The following WASF3 variants were observed in gnomAD, a reference collection of about 807,000 sequenced individuals.
WASF3 encodes actin-binding protein WASF3.
Under a neutral mutation model 46.6 loss-of-function variants are expected in WASF3, and 11 were observed. The ratio of observed to expected loss-of-function variants is 0.24; its 90% CI spans 0.15 to 0.39. The LOEUF (loss-of-function observed/expected upper bound fraction) is 0.39, where lower values mean the gene tolerates loss of function less well. WASF3 is among the 10% of genes least tolerant of loss of function. The pLI, the probability that WASF3 is intolerant of heterozygous loss-of-function variation, is 1.00. For synonymous variants in WASF3, 242 were observed against 259.7 expected (o/e 0.93, Z 0.65); for missense variants, 576 against 669.8 (o/e 0.86, Z 1.55).
chr13:26,585,989 T>G (rs1433371129), intron 1 of WASF3, among the ~76,000 whole-genome samples: 1 of 152,196 alleles, frequency 6.6e-6, no homozygotes, highest in Non-Finnish European at 1.5e-5. Context: ...TATTAAAAGC[T>G]TCCTTTCCAG....
At chr13:26,658,025 T>G (rs9512308) in intron 3 of WASF3, among the ~76,000 whole-genome samples, 52,671 of 152,090 alleles carry the variant, frequency 0.35, 9,788 homozygotes, top group African/African-American at 0.47. Context: ...CAAATGTTGC[T>G]TGTCCTTTTC....
intron 1 of WASF3, among the ~76,000 whole-genome samples, chr13:26,570,732 A>T (rs989352645): frequency 2.0e-5 from 3 of 152,194 alleles, no homozygotes; most frequent in African/African-American, 7.2e-5. Context: ...AATATTTTGC[A>T]ATTACAGTAC....
At chr13:26,655,665 T>A (rs1298735820) in intron 3 of WASF3, among the ~76,000 whole-genome samples, 2 of 152,208 alleles carry the variant, frequency 1.3e-5, no homozygotes, top group African/African-American at 4.8e-5. Context: ...TTCTTCAACA[T>A]TAGTTAGTAA....
chr13:26,659,349 G>A (rs1159205599), intron 3 of WASF3, among the ~76,000 whole-genome samples: 1 of 152,218 alleles, frequency 6.6e-6, no homozygotes, highest in African/African-American at 2.4e-5. Context: ...AGGGTAGTTG[G>A]AGTGGGACAT....
chr13:26,552,867 G>A (rs1879000696), upstream of WASF3, among the ~76,000 whole-genome samples: 1 of 152,180 alleles, frequency 6.6e-6, no homozygotes, highest in African/African-American at 2.4e-5. Flanking sequence ...GATGACAAAA[G>A]AGAATTAAGC....
At chr13:26,604,621 A>G (rs1880737820) in intron 1 of WASF3, among the ~76,000 whole-genome samples, 1 of 152,232 alleles carries the variant, frequency 6.6e-6, no homozygotes, top group African/African-American at 2.4e-5. Context: ...TCCATTTAGT[A>G]GCAAAATTAC....
chr13:26,573,508 CTACTTTAA>C (rs1445312189), intron 1 of WASF3, among the ~76,000 whole-genome samples: 3 of 151,946 alleles, frequency 2.0e-5, no homozygotes, highest in African/African-American at 7.2e-5. Context: ...TCCTTGATTA[CTACTTTAA>C]ATGTGTTCTA....
intron 1 of WASF3, among the ~76,000 whole-genome samples, chr13:26,558,024 C>T (rs1234613172): frequency 6.6e-6 from 1 of 151,426 alleles, no homozygotes; most frequent in African/African-American, 2.4e-5. Context: ...CGCATTCTCC[C>T]GGCCGGCTCC....
intron 2 of WASF3, among the ~76,000 whole-genome samples, chr13:26,625,433 T>C (rs1216968687): frequency 6.6e-6 from 1 of 152,120 alleles, no homozygotes; most frequent in Non-Finnish European, 1.5e-5. Flanking sequence ...CTCGAGGACC[T>C]GGGATTGGGA....
chr13:26,577,733 A>T, intron 1 of WASF3: 1 of 722,626 alleles, frequency 1.4e-6, no homozygotes, highest in East Asian at 2.6e-5. Context: ...AAAAAAAAAA[A>T]TCAAAACCAG....
chr13:26,644,733 C>T (rs1463777328), intron 3 of WASF3, among the ~76,000 whole-genome samples: 3 of 151,998 alleles, frequency 2.0e-5, no homozygotes, highest in Non-Finnish European at 4.4e-5. Context: ...GTGAAAAAGC[C>T]GTAATGACCA....
chr13:26,580,393 T>G (rs1879941111), intron 1 of WASF3, among the ~76,000 whole-genome samples: 1 of 152,208 alleles, frequency 6.6e-6, no homozygotes, highest in Admixed American at 6.5e-5. Flanking sequence ...CAGTTGTTTT[T>G]CAGAAACACC....
chr13:26,630,318 A>G (rs1037424213), intron 2 of WASF3, among the ~76,000 whole-genome samples: 1 of 151,784 alleles, frequency 6.6e-6, no homozygotes, highest in African/African-American at 2.4e-5. Context: ...CAGCCCCCCA[A>G]CCCCCAACAG....
At chr13:26,554,080 C>CTTTCTTTCTTTCT (rs1323423541), upstream of WASF3, among the ~76,000 whole-genome samples, 5 of 52,508 alleles carry the variant, frequency 9.5e-5, no homozygotes, top group East Asian at 1.7e-3. Context: ...TCCTTCCTTC[C>CTTTCTTTCTTTCT]TTCCTTCCTT....
Position 26,681,030 on chromosome 13 carries a change from C to A in WASF3, c.717-24C>A, listed in dbSNP as rs147001292. On this transcript the variant is annotated intron_variant, in intron 7 of 9. Coordinates refer to ENST00000335327, the MANE Select transcript of WASF3 (RefSeq NM_006646.6). ...ATTTTTAAATTAATTTAAATTTCTC[C>A]CACCTCTTGTTTTCAAATGCCAGGT... is the stretch of plus-strand genomic sequence containing the variant. The A allele has an allele frequency of 3.5e-4, 548 of 1,575,736 alleles. 1 individual carries two copies. The East Asian group carries it at 0.012, about 35-fold the overall frequency.
chr13:26,658,745 G>T (rs1191643211), intron 3 of WASF3, among the ~76,000 whole-genome samples: 6 of 152,206 alleles, frequency 3.9e-5, no homozygotes, highest in Non-Finnish European at 8.8e-5. Flanking sequence ...CTAGAGCTTA[G>T]ATGAATGAAG....
chr13:26,574,779 G>C (rs1879742688), intron 1 of WASF3, among the ~76,000 whole-genome samples: 1 of 151,102 alleles, frequency 6.6e-6, no homozygotes, highest in Admixed American at 6.6e-5. Flanking sequence ...AGGAAGGTGG[G>C]ACTAAGTTTT....
chr13:26,627,743 A>ATATATGTATATATT (rs1881512753), intron 2 of WASF3, among the ~76,000 whole-genome samples: 1 of 152,068 alleles, frequency 6.6e-6, no homozygotes, highest in African/African-American at 2.4e-5. Context: ...GTATGCACTT[A>ATATATGTATATATT]TATATGTATA....
intron 2 of WASF3, among the ~76,000 whole-genome samples, chr13:26,633,063 TTTC>T (rs1881701597): frequency 6.6e-6 from 1 of 152,100 alleles, no homozygotes; most frequent in Non-Finnish European, 1.5e-5. Flanking sequence ...TCTTTTCTCT[TTTC>T]TTCTTTATTA....
Sources: gnomAD v4.1 joint callset for allele counts (sites outside exome capture counted in the v4.1 genomes callset) on GRCh38, gnomAD v4.1.1 for gene constraint, MANE v1.5 for transcripts, NCBI Gene and HGNC (gene_info 2026-07-23, HGNC 2026-07-21) for gene names.